PALLD: variants seen among roughly 807,000 people sequenced by gnomAD.
PALLD encodes palladin.
In PALLD, 61 loss-of-function variants were observed where a neutral mutation model predicts 123.5. That is an observed-to-expected ratio of 0.49 (90% CI 0.40 to 0.61). PALLD has a LOEUF of 0.61. Among genes scored for constraint, PALLD ranks in the 20% least tolerant of loss-of-function variants. The pLI is 0.00. For missense variants in PALLD, 1,273 were observed against 1,377.0 expected (o/e 0.92, Z 1.20); for synonymous variants, 465 against 496.4 (o/e 0.94, Z 0.84).
At position 168,511,625 on chromosome 4, in the gene PALLD, AAG is replaced by A. The variant is rs764276018; in HGVS notation, c.124_125del (p.Leu43Ter). ...TTTCCTCAGCCAGGAAGAGATAAAC[AAG>A]AGTCTTGACCTGGCCCGGAGAGCCA... ...SAFLSQEEIN[K>X]SLDLARRAIA... On this transcript the variant is annotated frameshift_variant, in exon 2 of 22. Transcript: ENST00000505667. LOFTEE classifies it high-confidence loss of function. 1 of 1,614,200 alleles carries A rather than the reference AAG, an allele frequency of 6.2e-7. No homozygotes were observed. The highest frequency in any genetic ancestry group is 1.1e-5 in the South Asian group (1 of 91,090).
chr4:168,715,777 C>T (rs1785294341), intron 10 of PALLD, among the ~76,000 whole-genome samples: 1 of 152,170 alleles, frequency 6.6e-6, no homozygotes, highest in African/African-American at 2.4e-5. Flanking sequence ...AGTGAAACCC[C>T]ATCTCTTCTA....
intron 10 of PALLD, among the ~76,000 whole-genome samples, chr4:168,753,253 C>CTATAAAATATATATATA (rs1731312097): frequency 6.6e-6 from 1 of 152,040 alleles, no homozygotes; most frequent in Non-Finnish European, 1.5e-5. Flanking sequence ...GGTATATAGG[C>CTATAAAATATATATATA]TTTTAGTTCT....
intron 2 of PALLD, among the ~76,000 whole-genome samples, chr4:168,663,199 A>T (rs987569051): frequency 6.6e-6 from 1 of 152,220 alleles, no homozygotes; most frequent in African/African-American, 2.4e-5. Flanking sequence ...TTAGGAGATG[A>T]CTGTCATTGG....
intron 10 of PALLD, among the ~76,000 whole-genome samples, chr4:168,763,010 C>T (rs2150454028): frequency 6.6e-6 from 1 of 152,212 alleles, no homozygotes; most frequent in South Asian, 2.1e-4. Flanking sequence ...GAACATCACA[C>T]ACTGGGGCCT....
chr4:168,840,149 A>G (rs1428084954), intron 10 of PALLD, among the ~76,000 whole-genome samples: 1 of 152,170 alleles, frequency 6.6e-6, no homozygotes, highest in Non-Finnish European at 1.5e-5. Flanking sequence ...TTAAGAGACA[A>G]AATGAATCCA....
intron 2 of PALLD, among the ~76,000 whole-genome samples, chr4:168,542,274 G>A (rs1765689800): frequency 6.6e-6 from 1 of 152,092 alleles, no homozygotes; most frequent in African/African-American, 2.4e-5. Context: ...CTCATGGCTA[G>A]ACATGGTGGG....
intron 15 of PALLD, among the ~76,000 whole-genome samples, chr4:168,911,034 T>C (rs1008515896): frequency 6.6e-6 from 1 of 152,222 alleles, no homozygotes; most frequent in African/African-American, 2.4e-5. Flanking sequence ...CTATGAGGAA[T>C]TTAATAATGA....
At chr4:168,707,602 C>A (rs925140261) in intron 8 of PALLD, among the ~76,000 whole-genome samples, 1 of 152,186 alleles carries the variant, frequency 6.6e-6, no homozygotes, top group African/African-American at 2.4e-5. Context: ...ATCACTTTCA[C>A]CACATTCTAG....
intron 1 of PALLD, chr4:168,507,665 G>A (rs1402933485): frequency 1.5e-5 from 3 of 194,316 alleles, no homozygotes; most frequent in African/African-American, 2.3e-5. Flanking sequence ...CCTCTGTCCC[G>A]GATCCAGACT....
chr4:168,814,115 G>A (rs1019781839), intron 10 of PALLD, among the ~76,000 whole-genome samples: 3 of 152,118 alleles, frequency 2.0e-5, no homozygotes, highest in East Asian at 1.9e-4. Flanking sequence ...TTTTTGAGAC[G>A]TTCCAAACCA....
intron 10 of PALLD, among the ~76,000 whole-genome samples, chr4:168,876,498 T>A (rs1242933733): frequency 2.0e-5 from 3 of 152,210 alleles, no homozygotes; most frequent in African/African-American, 7.2e-5. Flanking sequence ...ACCTTTCAGT[T>A]CCCAAGAAAG....
At chr4:168,786,242 C>T (rs879713864) in intron 10 of PALLD, among the ~76,000 whole-genome samples, 12 of 152,078 alleles carry the variant, frequency 7.9e-5, no homozygotes, top group Admixed American at 5.2e-4. Context: ...GCAGGAGAAT[C>T]GCTTGAACCC....
intron 10 of PALLD, among the ~76,000 whole-genome samples, chr4:168,851,860 G>A (rs1468221956): frequency 6.6e-6 from 1 of 152,130 alleles, no homozygotes; most frequent in African/African-American, 2.4e-5. Flanking sequence ...CGCATTTCAG[G>A]TCTCCTGGAA....
chr4:168,878,426 G>T (rs935253922), intron 10 of PALLD: 15 of 1,435,594 alleles, frequency 1.0e-5, no homozygotes, highest in Non-Finnish European at 1.4e-5. Context: ...CCACTTCCCT[G>T]CCCCTCCGCC....
At chr4:168,532,403 T>C (rs1217590862) in intron 2 of PALLD, among the ~76,000 whole-genome samples, 1 of 152,184 alleles carries the variant, frequency 6.6e-6, no homozygotes, top group African/African-American at 2.4e-5. Context: ...AGCCAGGTAT[T>C]ATAGGAAAAC....
In PALLD at chr4:168,532,334, C is replaced by T. The variant is rs902837262; in HGVS notation, c.908+19922C>T. Among the ~76,000 whole-genome samples, 5 of 152,304 alleles carry T rather than the reference C, an allele frequency of 3.3e-5. No homozygotes were observed. The East Asian group carries it at 9.6e-4, about 29-fold the overall frequency. On this transcript the variant is annotated intron_variant, in intron 2 of 21. Transcript: ENST00000505667. ...TCACTACTTCAGAGGAAACATAGCACATTACTTATACCAGTCATCCTAAGT... is the reference window on the plus strand; with the variant it reads ...TCACTACTTCAGAGGAAACATAGCATATTACTTATACCAGTCATCCTAAGT...
At chr4:168,787,840 A>C (rs1736963172) in intron 10 of PALLD, among the ~76,000 whole-genome samples, 1 of 152,196 alleles carries the variant, frequency 6.6e-6, no homozygotes, top group South Asian at 2.1e-4. Context: ...ATTTGTCAGC[A>C]CCGGCTCGAG....
At chr4:168,906,591 C>T (rs1306960328) in intron 15 of PALLD, among the ~76,000 whole-genome samples, 1 of 152,086 alleles carries the variant, frequency 6.6e-6, no homozygotes, top group Non-Finnish European at 1.5e-5. Flanking sequence ...CAAATATATA[C>T]AATTATAATT....
chr4:168,740,523 C>T (rs575524491), intron 10 of PALLD, among the ~76,000 whole-genome samples: 1 of 152,040 alleles, frequency 6.6e-6, no homozygotes, highest in African/African-American at 2.4e-5. Flanking sequence ...TTGACAGATA[C>T]TAAGTTTCTT....
Sources: allele counts gnomAD v4.1 joint callset (sites outside exome capture counted in the v4.1 genomes callset), GRCh38; gene constraint gnomAD v4.1.1; transcripts MANE v1.5; gene names NCBI Gene and HGNC (gene_info 2026-07-23, HGNC 2026-07-21).